Variants in CSMD2 observed in about 807,000 individuals in gnomAD.
CSMD2 encodes CUB and Sushi multiple domains 2.
CSMD2 carries 130 observed loss-of-function variants against 398.5 expected under a neutral mutation model. The ratio of observed to expected loss-of-function variants is 0.33; its 90% CI spans 0.28 to 0.38. The LOEUF (loss-of-function observed/expected upper bound fraction) is 0.38. Ranked by LOEUF, CSMD2 falls within the 10% of genes least tolerant of loss-of-function variation. CSMD2 has a pLI of 1.00. For synonymous variants in CSMD2, 1,828 were observed against 1,908.5 expected, an observed-to-expected ratio of 0.96 and a Z score of 1.10; for missense variants, 3,829 against 4,764.9, an observed-to-expected ratio of 0.80 and a Z score of 5.78.
At chr1:33,520,703 C>T (rs1197805519) in intron 68 of CSMD2, among the ~76,000 whole-genome samples, 1 of 152,212 alleles carries the variant, frequency 6.6e-6, no homozygotes, top group East Asian at 1.9e-4. Flanking sequence ...TGGCTCAGTC[C>T]AGAGAAGCTT....
At chr1:33,918,836 A>T (rs1643855736) in intron 4 of CSMD2, among the ~76,000 whole-genome samples, 1 of 152,040 alleles carries the variant, frequency 6.6e-6, no homozygotes, top group Admixed American at 6.6e-5. Context: ...TGGGAAATTT[A>T]TTTTTTTTAA....
intron 26 of CSMD2, among the ~76,000 whole-genome samples, chr1:33,659,578 G>A (rs1427377938): frequency 6.6e-6 from 1 of 152,236 alleles, no homozygotes; most frequent in Non-Finnish European, 1.5e-5. Flanking sequence ...ATTCATATTA[G>A]TTTTTAAGCA....
intron 15 of CSMD2, among the ~76,000 whole-genome samples, chr1:33,736,403 C>T (rs1228777813): frequency 6.6e-6 from 1 of 151,742 alleles, no homozygotes; most frequent in African/African-American, 2.4e-5. Context: ...ATGGCGTGAA[C>T]CTGGGAGGTG....
intron 1 of CSMD2, among the ~76,000 whole-genome samples, chr1:34,147,814 C>T (rs940910488): frequency 7.2e-5 from 11 of 152,158 alleles, no homozygotes; most frequent in Admixed American, 7.2e-4. Context: ...GTGTCCTCAG[C>T]GCTTCCCTGC....
intron 25 of CSMD2, among the ~76,000 whole-genome samples, chr1:33,686,030 A>G (rs1478492423): frequency 3.3e-5 from 5 of 152,146 alleles, no homozygotes; most frequent in Non-Finnish European, 7.3e-5. Context: ...CCAATCCCAC[A>G]TTACTGGGTA....
intron 1 of CSMD2, among the ~76,000 whole-genome samples, chr1:34,101,226 T>C (rs1312361578): frequency 2.0e-5 from 3 of 152,222 alleles, no homozygotes; most frequent in Admixed American, 2.0e-4. Flanking sequence ...CACCTTGCAT[T>C]TCTCTCTAGC....
chr1:33,839,644 A>G (rs1557984439), intron 6 of CSMD2: 1 of 152,454 alleles, frequency 6.6e-6, no homozygotes, highest in Non-Finnish European at 1.5e-5. Flanking sequence ...TTTTGGATGC[A>G]ATAGCTGTGC....
At chr1:33,734,425 T>G (rs1410007024) in intron 15 of CSMD2, among the ~76,000 whole-genome samples, 1 of 152,046 alleles carries the variant, frequency 6.6e-6, no homozygotes, top group Non-Finnish European at 1.5e-5. Flanking sequence ...AGTACAATCA[T>G]AGCTCACTGC....
intron 1 of CSMD2, among the ~76,000 whole-genome samples, chr1:34,124,544 T>G (rs996330670): frequency 6.6e-6 from 1 of 152,146 alleles, no homozygotes; most frequent in Admixed American, 6.5e-5. Flanking sequence ...CACACTTTCA[T>G]GTTGCCTTGT....
chr1:33,958,936 T>G (rs564564750), intron 3 of CSMD2, among the ~76,000 whole-genome samples: 1 of 152,324 alleles, frequency 6.6e-6, no homozygotes, highest in East Asian at 1.9e-4. Flanking sequence ...CTTGTGGATA[T>G]GATACCCCTC....
intron 58 of CSMD2, among the ~76,000 whole-genome samples, chr1:33,542,474 T>C (rs568866165): frequency 1.3e-5 from 2 of 152,348 alleles, no homozygotes; most frequent in East Asian, 1.9e-4. Flanking sequence ...GGGATAATAG[T>C]AGCTACTTCA....
chr1:34,161,625 A>C (rs1482340952), intron 1 of CSMD2, among the ~76,000 whole-genome samples: 1 of 152,182 alleles, frequency 6.6e-6, no homozygotes, highest in Non-Finnish European at 1.5e-5. Context: ...ATAAAGTACA[A>C]TGTATTTGGC....
chr1:34,085,267 T>C (rs1337602220), intron 2 of CSMD2, among the ~76,000 whole-genome samples: 1 of 151,998 alleles, frequency 6.6e-6, no homozygotes, highest in Non-Finnish European at 1.5e-5. Context: ...CATTGGGAGA[T>C]ATACCTAATG....
intron 62 of CSMD2, among the ~76,000 whole-genome samples, chr1:33,535,570 A>G (rs553812503): frequency 1.3e-5 from 2 of 152,208 alleles, no homozygotes; most frequent in Non-Finnish European, 2.9e-5. Context: ...TGACATGTGC[A>G]AGAGTGCCTC....
intron 40 of CSMD2, among the ~76,000 whole-genome samples, chr1:33,614,001 A>G (rs1174425309): frequency 1.3e-5 from 2 of 152,174 alleles, no homozygotes; most frequent in Non-Finnish European, 2.9e-5. Context: ...TCTCTAGGCC[A>G]GCTAGAATGT....
intron 13 of CSMD2, among the ~76,000 whole-genome samples, chr1:33,752,407 T>TA (rs1648375824): frequency 1.3e-5 from 2 of 152,178 alleles, no homozygotes; most frequent in Admixed American, 6.5e-5. Context: ...TACCATATGA[T>TA]ACGCTGGCTC....
At chr1:33,597,203 C>T (rs888897780) in intron 44 of CSMD2, among the ~76,000 whole-genome samples, 2 of 152,060 alleles carry the variant, frequency 1.3e-5, no homozygotes, top group Non-Finnish European at 2.9e-5. Flanking sequence ...GGGCTGCTTG[C>T]CTGGAGAAAG....
At chr1:33,610,339 A>G (rs1297529186) in intron 41 of CSMD2, among the ~76,000 whole-genome samples, 2 of 152,238 alleles carry the variant, frequency 1.3e-5, no homozygotes, top group East Asian at 3.9e-4. Flanking sequence ...TGCTTCGGTC[A>G]GTCACAATAA....
At chr1:34,107,601 C>A (rs2148431447) in intron 1 of CSMD2, among the ~76,000 whole-genome samples, 1 of 152,258 alleles carries the variant, frequency 6.6e-6, no homozygotes, top group Non-Finnish European at 1.5e-5. Context: ...TCTTCTTAAC[C>A]ACTACTCTAT....
Sources: gnomAD v4.1 joint callset for allele counts (sites outside exome capture counted in the v4.1 genomes callset) on GRCh38, gnomAD v4.1.1 for gene constraint, MANE v1.5 for transcripts, NCBI Gene and HGNC (gene_info 2026-07-23, HGNC 2026-07-21) for gene names.